VPS13A: variants seen among roughly 807,000 people sequenced by gnomAD.
VPS13A encodes vacuolar protein sorting 13 homolog A, also known as intermembrane lipid transfer protein VPS13A.
VPS13A carries 264 observed loss-of-function variants against 390.9 expected under a neutral mutation model. The ratio of observed to expected loss-of-function variants is 0.68; its 90% CI spans 0.61 to 0.75. VPS13A has a LOEUF of 0.75. VPS13A is among the 30% of genes least tolerant of loss of function. The pLI is 0.00. For synonymous variants in VPS13A, 1,231 were observed against 1,227.1 expected (o/e 1.00, Z -0.07); for missense variants, 3,409 against 3,733.9 (o/e 0.91, Z 2.27).
Position 77,319,683 on chromosome 9 carries a change from T to C in VPS13A, c.5415+10T>C, listed in dbSNP as rs1224168077. On this transcript the variant is annotated intron_variant, in intron 42 of 71. Transcript: ENST00000360280. ...GAATCTTGGTATCAAGGTATATCTA[T>C]ATATGTCTATGTGTGTATATATATA... The C allele has an allele frequency of 2.1e-6, 3 of 1,411,890 alleles. No individual in the cohort carries two copies. Among genetic ancestry groups the C allele is most frequent in the Non-Finnish European group, 3.0e-6 (3 of 1,000,066 alleles). The allele number at this position is 1,411,890 out of a possible 1,614,324, so 87.5% of individuals were successfully genotyped here.
At chr9:77,268,593 C>T (rs1345778061) in intron 23 of VPS13A, among the ~76,000 whole-genome samples, 1 of 152,116 alleles carries the variant, frequency 6.6e-6, no homozygotes, top group Non-Finnish European at 1.5e-5. Flanking sequence ...TGTTCATATT[C>T]AGCCATCTTG....
intron 45 of VPS13A, among the ~76,000 whole-genome samples, chr9:77,323,843 A>G (rs567116537): frequency 1.3e-5 from 2 of 152,140 alleles, no homozygotes; most frequent in East Asian, 1.9e-4. Context: ...GTATGTGTCA[A>G]CTTATGTGTA....
rs762143526 is a variant in VPS13A, at chr9:77,363,390, ATT to A, written c.8212-2058_8212-2057del. 9.5e-5 allele frequency among the ~76,000 whole-genome samples: 11 copies of A among 115,854 alleles called. No homozygotes were observed. In the East Asian group the frequency reaches 2.0e-3, roughly 21 times the overall value. 76.0% of individuals were successfully genotyped at this position (115,854 alleles called of 152,430 possible). On this transcript the variant is annotated intron_variant, in intron 59 of 71. Coordinates refer to ENST00000360280, the MANE Select transcript of VPS13A (RefSeq NM_033305.3). ...TCTACTGATATGTTTTATTACATTA[ATT>A]TTTTTTTTTTTATTTTTTTTTTTTT...
intron 33 of VPS13A, among the ~76,000 whole-genome samples, chr9:77,299,770 T>C (rs1158764218): frequency 1.3e-5 from 2 of 152,218 alleles, no homozygotes; most frequent in Admixed American, 6.5e-5. Context: ...TCATGTCCTT[T>C]GTTGGGACAT....
At chr9:77,265,667 G>T (rs1825997563) in intron 23 of VPS13A, among the ~76,000 whole-genome samples, 1 of 152,034 alleles carries the variant, frequency 6.6e-6, no homozygotes, top group African/African-American at 2.4e-5. Context: ...TTTTTATTGT[G>T]TCTGTTTGAT....
chr9:77,278,318 C>A (rs1268780597), intron 26 of VPS13A, among the ~76,000 whole-genome samples: 1 of 151,234 alleles, frequency 6.6e-6, no homozygotes, highest in African/African-American at 2.4e-5. Context: ...CGTGATCCGC[C>A]CGCCTTGGCC....
chr9:77,298,428 C>T (rs139752446), intron 33 of VPS13A, among the ~76,000 whole-genome samples: 7 of 152,074 alleles, frequency 4.6e-5, no homozygotes, highest in South Asian at 4.2e-4. Flanking sequence ...TCAAAAGAGA[C>T]GAAGTAGGAG....
At chr9:77,407,418 A>ATGAT (rs1423755530) in intron 70 of VPS13A, 115 bp from the exon 71 acceptor site, 1 of 793,432 alleles carries the variant, frequency 1.3e-6, no homozygotes. Flanking sequence ...TTTAAGGTGC[A>ATGAT]TGATTTGTAT....
At chr9:77,326,542 T>C (rs1830027718) in intron 45 of VPS13A, among the ~76,000 whole-genome samples, 1 of 152,120 alleles carries the variant, frequency 6.6e-6, no homozygotes, top group South Asian at 2.1e-4. Context: ...CCCCATCTGA[T>C]ATATTTTTCT....
chr9:77,355,707 G>C (rs1831735953), intron 54 of VPS13A, among the ~76,000 whole-genome samples: 1 of 152,110 alleles, frequency 6.6e-6, no homozygotes. Context: ...ATAAAAAATA[G>C]CTCCTTCTAG....
chr9:77,331,895 G>C (rs1324055038), intron 45 of VPS13A, 115 bp from the exon 46 acceptor site: 9 of 695,064 alleles, frequency 1.3e-5, no homozygotes, highest in Non-Finnish European at 1.8e-5. Flanking sequence ...ATATAAGCAA[G>C]ATGAATATTG....
Position 77,421,066 on chromosome 9 carries a change from A to G in VPS13A, c.*5060A>G, listed in dbSNP as rs1407882101. ...GACTGTGTATTACATATAAAAATGA[A>G]TTTTTCAGGAAAAGTGCACTTTAAA... On this transcript the variant is annotated 3_prime_UTR_variant, in exon 72 of 72. Coordinates refer to ENST00000360280, the MANE Select transcript of VPS13A (RefSeq NM_033305.3). The G allele has an allele frequency of 1.3e-5, 2 of 152,200 alleles. No individual in the cohort carries two copies. The highest frequency in any genetic ancestry group is 3.8e-4 in the East Asian group (2 of 5,204). The allele number at this position is 152,200 out of a possible 1,614,324, so 9.4% of individuals were successfully genotyped here.
chr9:77,290,722 C>G (rs1162781980), intron 31 of VPS13A, among the ~76,000 whole-genome samples: 1 of 152,174 alleles, frequency 6.6e-6, no homozygotes, highest in Non-Finnish European at 1.5e-5. Context: ...AGTGTACTGA[C>G]AAACCCACTG....
Position 77,418,882 on chromosome 9 carries a change from AAAAG to A in VPS13A, c.*2882_*2885del, listed in dbSNP as rs1386686477. 1.3e-5 allele frequency: 2 copies of A among 152,000 alleles called. No homozygotes were observed. Among genetic ancestry groups the A allele is most frequent in the African/African-American group, 4.8e-5 (2 of 41,286 alleles). 9.4% of individuals were successfully genotyped at this position (152,000 alleles called of 1,614,324 possible). ...AGTAGCATCGTATTACTCTCTGGTA[AAAAG>A]AAAGATTAAATTAAAAGGACTCTAC... is the stretch of plus-strand genomic sequence containing the variant. On this transcript the variant is annotated 3_prime_UTR_variant, in exon 72 of 72. Transcript: ENST00000360280.
intron 13 of VPS13A, among the ~76,000 whole-genome samples, chr9:77,222,288 G>A (rs1823265082): frequency 6.6e-6 from 1 of 152,076 alleles, no homozygotes; most frequent in Admixed American, 6.6e-5. Context: ...GTCTGGATAG[G>A]AGAACCCTGA....
chr9:77,276,386 G>A (rs1392486952), intron 26 of VPS13A, among the ~76,000 whole-genome samples, 165 bp downstream of exon 26: 2 of 152,014 alleles, frequency 1.3e-5, no homozygotes, highest in African/African-American at 4.8e-5. Flanking sequence ...GGTAATGTGG[G>A]GGGCACACCG....
intron 68 of VPS13A, among the ~76,000 whole-genome samples, chr9:77,397,738 T>A (rs988798440): frequency 6.6e-6 from 1 of 152,186 alleles, no homozygotes; most frequent in Non-Finnish European, 1.5e-5. Context: ...TCATCTTTTC[T>A]AAATGCAAAA....
At chr9:77,332,257 AAAG>A in intron 46 of VPS13A, 144 bp downstream of exon 46, 1 of 636,482 alleles carries the variant, frequency 1.6e-6, no homozygotes, top group Non-Finnish European at 2.8e-6. Context: ...AGATCTTAAA[AAAG>A]AAGTATTATT....
chr9:77,285,937 G>T (rs1827297167), intron 31 of VPS13A, among the ~76,000 whole-genome samples: 1 of 152,114 alleles, frequency 6.6e-6, no homozygotes, highest in Non-Finnish European at 1.5e-5. Flanking sequence ...TCCATAGCCT[G>T]TATCTTGCTG....
Sources: gnomAD v4.1 joint callset for allele counts (sites outside exome capture counted in the v4.1 genomes callset) on GRCh38, gnomAD v4.1.1 for gene constraint, MANE v1.5 for transcripts, NCBI Gene and HGNC (gene_info 2026-07-23, HGNC 2026-07-21) for gene names.